The following ZNF730 variants were observed in gnomAD, a reference collection of about 807,000 sequenced individuals.
The protein encoded by ZNF730 is putative zinc finger protein 730.
A neutral mutation model predicts 12.6 loss-of-function variants in ZNF730; 12 were observed. That is an observed-to-expected ratio of 0.95 (90% CI 0.61 to 1.54). The LOEUF is 1.54. Ranked by LOEUF, ZNF730 falls within the 40% of genes most tolerant of loss-of-function variation. The probability of loss-of-function intolerance (pLI) is 0.00; values close to 1 mark genes in which losing one functional copy is unlikely to be tolerated. For synonymous variants in ZNF730, 194 were observed against 195.8 expected (o/e 0.99, Z 0.08); for missense variants, 643 against 583.5 (o/e 1.10, Z -1.05).
intron 1 of ZNF730, among the ~76,000 whole-genome samples, chr19:23,094,644 T>C (rs1970220426): frequency 6.6e-6 from 1 of 151,856 alleles, no homozygotes; most frequent in African/African-American, 2.4e-5. Context: ...CAGCTAACTT[T>C]TGTATTTTTA....
chr19:23,080,532 G>A (rs1299122670), intron 1 of ZNF730, among the ~76,000 whole-genome samples: 1 of 151,850 alleles, frequency 6.6e-6, no homozygotes, highest in African/African-American at 2.4e-5. Flanking sequence ...GCACCACCAT[G>A]CCTGGCTAAG....
At position 23,080,762 on chromosome 19, in the gene ZNF730, ATTG is replaced by A. The variant is rs532908308; in HGVS notation, c.-94+5378_-94+5380del. ...TTGTCATGAAGCTTCCCCCTTCTGT[ATTG>A]TTCTAGGAGTTTTACAGTTATAGAT... On this transcript the variant is annotated intron_variant, in intron 1 of 2. Transcript: ENST00000593635. 1.4e-4 allele frequency among the ~76,000 whole-genome samples: 21 copies of A among 150,680 alleles called. No individual in the cohort carries two copies. The South Asian group carries it at 4.4e-3, about 32-fold the overall frequency.
chr19:23,114,320 T>TG (rs1970491441), upstream of ZNF730, among the ~76,000 whole-genome samples: 1 of 139,584 alleles, frequency 7.2e-6, no homozygotes, highest in Non-Finnish European at 1.5e-5. Flanking sequence ...TTTTTTTTTT[T>TG]TTTTGAGACG....
chr19:23,133,990 A>G lies in ZNF730; in HGVS notation c.4-90A>G, dbSNP rs573384560. ...CAGTCACCCCTATAAGTAAGACCCA[A>G]TTATATTTACTCTTATTTCACCTTG... On this transcript the variant is annotated intron_variant, in intron 1 of 3. Transcript: ENST00000597761. The G allele has an allele frequency of 9.8e-6, 15 of 1,536,606 alleles. No individual in the cohort carries two copies. The South Asian group carries it at 1.2e-4, about 12-fold the overall frequency.
At chr19:23,120,000 T>TC (rs1260401916) in intron 1 of ZNF730, among the ~76,000 whole-genome samples, 2 of 150,234 alleles carry the variant, frequency 1.3e-5, no homozygotes, top group Admixed American at 6.6e-5. Context: ...TTCTTTTTTT[T>TC]TTTTTTTTTT....
chr19:23,077,220 G>A (rs1379745698), intron 1 of ZNF730, among the ~76,000 whole-genome samples: 1 of 151,872 alleles, frequency 6.6e-6, no homozygotes, highest in Non-Finnish European at 1.5e-5. Context: ...GTAATTAATG[G>A]GTACTAGGTT....
chr19:23,131,594 T>C (rs905566528), intron 1 of ZNF730, among the ~76,000 whole-genome samples: 1 of 152,276 alleles, frequency 6.6e-6, no homozygotes, highest in Non-Finnish European at 1.5e-5. Flanking sequence ...ATTGTCTTTA[T>C]TTGTACCAAA....
At chr19:23,101,863 C>T (rs531207676) in intron 1 of ZNF730, among the ~76,000 whole-genome samples, 45 of 152,314 alleles carry the variant, frequency 3.0e-4, no homozygotes, top group Middle Eastern at 3.4e-3. Context: ...CCACCATGCC[C>T]GGCCTCGCTG....
At chr19:23,078,768 C>G (rs1320145240) in intron 1 of ZNF730, among the ~76,000 whole-genome samples, 1 of 152,134 alleles carries the variant, frequency 6.6e-6, no homozygotes, top group Non-Finnish European at 1.5e-5. Flanking sequence ...CCCCTTCAGT[C>G]TGAAGAATAA....
At chr19:23,099,137 G>A (rs1182744682) in intron 1 of ZNF730, among the ~76,000 whole-genome samples, 2 of 152,170 alleles carry the variant, frequency 1.3e-5, no homozygotes, top group African/African-American at 4.8e-5. Flanking sequence ...TGCAGATGCA[G>A]TCCATAGTTA....
intron 1 of ZNF730, among the ~76,000 whole-genome samples, chr19:23,107,467 A>C (rs947714556): frequency 1.3e-5 from 2 of 149,172 alleles, no homozygotes; most frequent in Non-Finnish European, 3.0e-5. Flanking sequence ...AAAAAAAAAA[A>C]AAAAAAAACC....
intron 1 of ZNF730, among the ~76,000 whole-genome samples, chr19:23,121,449 C>T (rs189805478): frequency 6.6e-6 from 1 of 152,194 alleles, no homozygotes; most frequent in Admixed American, 6.5e-5. Flanking sequence ...AGAGATTCTC[C>T]TGCTGCTTCA....
intron 1 of ZNF730, among the ~76,000 whole-genome samples, chr19:23,117,483 G>A (rs1970545999): frequency 6.6e-6 from 1 of 152,224 alleles, no homozygotes; most frequent in South Asian, 2.1e-4. Context: ...GATCGTCAGA[G>A]GAGAATCCTG....
intron 3 of ZNF730, among the ~76,000 whole-genome samples, chr19:23,140,635 CAT>C (rs1970903518): frequency 7.1e-6 from 1 of 141,528 alleles, no homozygotes; most frequent in Admixed American, 7.3e-5. Context: ...GATGTAAAAA[CAT>C]ATAACCTAAA....
intron 1 of ZNF730, among the ~76,000 whole-genome samples, chr19:23,080,035 T>C (rs1183986414): frequency 1.3e-5 from 2 of 152,058 alleles, no homozygotes; most frequent in Admixed American, 1.3e-4. Context: ...AACCTCTGCT[T>C]CCTGGGTTCA....
rs1389975858 is a variant in ZNF730 at position 23,102,728 on chromosome 19, TC to T, written c.-94+27342del. Among the ~76,000 whole-genome samples, 4 of 152,136 alleles carry T rather than the reference TC, an allele frequency of 2.6e-5. No homozygotes were observed. In the South Asian group the frequency reaches 8.3e-4, roughly 32 times the overall value. ...CCAGGCTGGTCTCGAGCTCCGTACT[TC>T]AAGTGATCTGCCTGCCTCAGCCTCG... On this transcript the variant is annotated intron_variant, in intron 1 of 2. Coordinates refer to the ZNF730 transcript ENST00000593635.
intron 1 of ZNF730, chr19:23,128,080 C>T (rs1210481489): frequency 2.5e-6 from 2 of 791,026 alleles, no homozygotes; most frequent in African/African-American, 3.4e-5. Flanking sequence ...CACTGATGGT[C>T]AGCCAAGTGC....
chr19:23,080,827 T>C (rs1265209151), intron 1 of ZNF730, among the ~76,000 whole-genome samples: 1 of 150,492 alleles, frequency 6.6e-6, no homozygotes, highest in Admixed American at 6.6e-5. Context: ...TTTTTTTCTG[T>C]TTTGTTTCTT....
At chr19:23,083,959 A>G (rs2145451532) in intron 1 of ZNF730, among the ~76,000 whole-genome samples, 1 of 152,026 alleles carries the variant, frequency 6.6e-6, no homozygotes, top group African/African-American at 2.4e-5. Context: ...TTTGTTTCCT[A>G]TGCTTTTGAA....
Sources: gnomAD v4.1 joint callset for allele counts (sites outside exome capture counted in the v4.1 genomes callset) on GRCh38, gnomAD v4.1.1 for gene constraint, MANE v1.5 for transcripts, NCBI Gene and HGNC (gene_info 2026-07-23, HGNC 2026-07-21) for gene names.